The following CPAMD8 variants were observed in gnomAD, a reference collection of about 807,000 sequenced individuals.
The protein encoded by CPAMD8 is C3 and PZP like alpha-2-macroglobulin domain containing 8, also known as C3 and PZP-like alpha-2-macroglobulin domain-containing protein 8.
Under a neutral mutation model 224.7 loss-of-function variants are expected in CPAMD8, and 146 were observed. That is an observed-to-expected ratio of 0.65 (90% CI 0.57 to 0.75). The LOEUF is 0.75. Among genes scored for constraint, CPAMD8 ranks in the 30% least tolerant of loss-of-function variants. CPAMD8 has a pLI of 0.00. For missense variants in CPAMD8, 2,301 were observed against 2,537.5 expected (o/e 0.91, Z 2.00); for synonymous variants, 966 against 1,044.6 (o/e 0.92, Z 1.45).
chr19:16,945,453 G>A, intron 22 of CPAMD8, 96 bp downstream of exon 22: 1 of 1,504,498 alleles, frequency 6.6e-7, no homozygotes, highest in East Asian at 2.3e-5. Flanking sequence ...CCCAGGCCCT[G>A]GCTCAGCCTC....
chr19:16,950,803 A>G (rs1177325357), intron 20 of CPAMD8, among the ~76,000 whole-genome samples: 9 of 150,458 alleles, frequency 6.0e-5, no homozygotes, highest in Admixed American at 4.7e-4. Flanking sequence ...GAAAAAAAAA[A>G]AAAAAAAAAA....
At chr19:16,955,196 A>G (rs2054429473) in intron 19 of CPAMD8, among the ~76,000 whole-genome samples, 1 of 151,820 alleles carries the variant, frequency 6.6e-6, no homozygotes, top group Non-Finnish European at 1.5e-5. Context: ...TTGGAAGGTT[A>G]AGGCAGAGGA....
At chr19:17,026,403 C>T in intron 1 of CPAMD8, 148 bp downstream of exon 1, 1 of 932,960 alleles carries the variant, frequency 1.1e-6, no homozygotes. Context: ...GCGCCCCCTC[C>T]TCAAGACGAT....
At chr19:16,980,221 T>C (rs2055459275) in intron 14 of CPAMD8, among the ~76,000 whole-genome samples, 1 of 152,120 alleles carries the variant, frequency 6.6e-6, no homozygotes, top group Non-Finnish European at 1.5e-5. Context: ...AACAGCACAA[T>C]GTGGGCCAGT....
chr19:16,894,634 T>G (rs1443032899), intron 41 of CPAMD8: 4 of 368,906 alleles, frequency 1.1e-5, no homozygotes, highest in Non-Finnish European at 5.5e-6. Context: ...CCCCTTCCAG[T>G]GGACCACAGT....
At chr19:16,985,410 GGAAA>G (rs1221644025) in intron 13 of CPAMD8, among the ~76,000 whole-genome samples, 2 of 147,728 alleles carry the variant, frequency 1.4e-5, no homozygotes, top group African/African-American at 2.5e-5. Flanking sequence ...GATGGGTGGA[GGAAA>G]GAAAGAAAGG....
In CPAMD8 at chr19:16,947,121, A is replaced by G. The variant is rs1319647396; in HGVS notation, c.2615T>C (p.Ile872Thr). Residue 872 changes from isoleucine to threonine, a missense_variant, in exon 21 of 42, where the codon ATC becomes ACC. Coordinates refer to ENST00000443236, the MANE Select transcript of CPAMD8 (RefSeq NM_015692.5). ...MCVAPGEAEPIWVVLSFSDLG... is the reference protein window; with the variant it reads ...MCVAPGEAEPTWVVLSFSDLG... ...GTCGCTGAAGGACAGAACGACCCAG[A>G]TGGGCTCAGCCTCCCCGGGGGCCAC... is the stretch of plus-strand genomic sequence containing the variant. The G allele has an allele frequency of 6.2e-7, 1 of 1,613,544 alleles. No individual in the cohort carries two copies. The highest frequency in any genetic ancestry group is 1.1e-5 in the South Asian group (1 of 90,984).
At chr19:16,955,902 C>A (rs944050726) in intron 19 of CPAMD8, among the ~76,000 whole-genome samples, 4 of 152,096 alleles carry the variant, frequency 2.6e-5, no homozygotes, top group African/African-American at 9.7e-5. Flanking sequence ...GTCTTGAACT[C>A]CTGGGCTCAA....
chr19:16,964,560 C>A (rs943412159), intron 18 of CPAMD8, among the ~76,000 whole-genome samples: 2 of 152,032 alleles, frequency 1.3e-5, no homozygotes, highest in Non-Finnish European at 2.9e-5. Flanking sequence ...AGCCTACCAA[C>A]CAAAAAAAGT....
intron 13 of CPAMD8, among the ~76,000 whole-genome samples, chr19:16,983,087 C>A (rs1369664231): frequency 1.3e-5 from 2 of 152,154 alleles, no homozygotes; most frequent in African/African-American, 4.8e-5. Context: ...TCCCCAGCCA[C>A]GTGGAACTGT....
chr19:16,936,560 G>T (rs1028989913), intron 23 of CPAMD8, among the ~76,000 whole-genome samples: 3 of 151,926 alleles, frequency 2.0e-5, no homozygotes, highest in African/African-American at 7.3e-5. Context: ...CTGCCACCAT[G>T]CCTGGCTAAT....
intron 18 of CPAMD8, among the ~76,000 whole-genome samples, chr19:16,970,056 A>G (rs1218258643): frequency 1.3e-5 from 2 of 149,894 alleles, no homozygotes; most frequent in Admixed American, 6.7e-5. Flanking sequence ...AACACAGTGA[A>G]ACCCCGTCTC....
At chr19:17,017,403 C>T (rs2056840496) in intron 3 of CPAMD8, among the ~76,000 whole-genome samples, 1 of 152,216 alleles carries the variant, frequency 6.6e-6, no homozygotes. Context: ...ATTTCTTCTG[C>T]TCCCTGGTCC....
At chr19:16,994,897 C>T (rs1599867888) in intron 11 of CPAMD8, among the ~76,000 whole-genome samples, 1 of 152,126 alleles carries the variant, frequency 6.6e-6, no homozygotes, top group East Asian at 1.9e-4. Flanking sequence ...CTTGCCTTGG[C>T]CTCAAGTGGT....
At chr19:16,972,334 A>G (rs1039219745) in intron 17 of CPAMD8, among the ~76,000 whole-genome samples, 8 of 151,698 alleles carry the variant, frequency 5.3e-5, no homozygotes, top group Non-Finnish European at 1.2e-4. Flanking sequence ...CGGCTATGCA[A>G]TTAGTCTTTT....
chr19:16,949,470 G>C (rs934975710), intron 20 of CPAMD8, among the ~76,000 whole-genome samples: 1 of 152,182 alleles, frequency 6.6e-6, no homozygotes, highest in Non-Finnish European at 1.5e-5. Flanking sequence ...GGATTGTAAA[G>C]GTTGGGACTG....
At chr19:16,999,463 T>C (rs1001699818) in intron 10 of CPAMD8, among the ~76,000 whole-genome samples, 6 of 151,482 alleles carry the variant, frequency 4.0e-5, no homozygotes, top group African/African-American at 1.2e-4. Context: ...TGGGCACCTA[T>C]AGTCCCAGCT....
chr19:17,002,417 C>G (rs2056357178), intron 8 of CPAMD8, 67 bp from the exon 9 acceptor site: 1 of 1,072,688 alleles, frequency 9.3e-7, no homozygotes, highest in Non-Finnish European at 1.4e-6. Flanking sequence ...AGCCCTGACA[C>G]CGGTGCAAGG....
At chr19:16,961,768 C>A (rs570559128) in intron 18 of CPAMD8, among the ~76,000 whole-genome samples, 1 of 152,204 alleles carries the variant, frequency 6.6e-6, no homozygotes, top group Admixed American at 6.5e-5. Context: ...CCAGGAGGGG[C>A]CGACAAACAC....
Sources: gnomAD v4.1 joint callset for allele counts (sites outside exome capture counted in the v4.1 genomes callset) on GRCh38, gnomAD v4.1.1 for gene constraint, MANE v1.5 for transcripts, NCBI Gene and HGNC (gene_info 2026-07-23, HGNC 2026-07-21) for gene names.